SLC25A21: variants seen among roughly 807,000 people sequenced by gnomAD.
The protein encoded by SLC25A21 is mitochondrial 2-oxodicarboxylate carrier.
In SLC25A21, 47 loss-of-function variants were observed where a neutral mutation model predicts 43.8. That is an observed-to-expected ratio of 1.07 (90% CI 0.85 to 1.37). SLC25A21 has a LOEUF of 1.37. Among genes scored for constraint, SLC25A21 ranks in the 40% most tolerant of loss-of-function variants. The pLI is 0.00. For synonymous variants in SLC25A21, 131 were observed against 121.3 expected, an observed-to-expected ratio of 1.08 and a Z score of -0.52; for missense variants, 352 against 350.2, an observed-to-expected ratio of 1.00 and a Z score of -0.04.
intron 1 of SLC25A21, among the ~76,000 whole-genome samples, chr14:36,885,516 TAGAG>T (rs1215771737): frequency 6.6e-6 from 1 of 152,196 alleles, no homozygotes; most frequent in Non-Finnish European, 1.5e-5. Context: ...GGAATTTTGA[TAGAG>T]AGTACATTGA....
chr14:36,890,843 A>G lies in SLC25A21; in HGVS notation c.71-15839T>C, dbSNP rs964309631. Reference sequence around the variant, plus strand: ...TTAACAACTGTTTAAGTAATATCCTATAATGACCACAATATGTACACTTTA... The same window carrying G: ...TTAACAACTGTTTAAGTAATATCCTGTAATGACCACAATATGTACACTTTA... On this transcript the variant is annotated intron_variant, in intron 1 of 9. Transcript: ENST00000331299. Among the ~76,000 whole-genome samples, 20 of 152,304 alleles carry G rather than the reference A, an allele frequency of 1.3e-4. No individual in the cohort carries two copies. The East Asian group carries it at 2.5e-3, about 19-fold the overall frequency.
intron 2 of SLC25A21, among the ~76,000 whole-genome samples, chr14:36,829,533 T>C (rs1888957801): frequency 6.6e-6 from 1 of 152,154 alleles, no homozygotes; most frequent in Non-Finnish European, 1.5e-5. Flanking sequence ...AGCCCCAGGA[T>C]CCTGAGTTAT....
intron 3 of SLC25A21, among the ~76,000 whole-genome samples, chr14:36,752,360 T>C (rs1156557326): frequency 2.0e-5 from 3 of 152,214 alleles, no homozygotes; most frequent in Non-Finnish European, 4.4e-5. Context: ...AAATCAAACA[T>C]AGATTTACCA....
intron 2 of SLC25A21, among the ~76,000 whole-genome samples, chr14:36,814,655 A>C (rs1299534709): frequency 6.6e-6 from 1 of 152,234 alleles, no homozygotes; most frequent in Non-Finnish European, 1.5e-5. Flanking sequence ...CAACTAATAA[A>C]AAGTCAGCAA....
chr14:37,147,030 T>C (rs1963677924), intron 1 of SLC25A21, among the ~76,000 whole-genome samples: 1 of 152,126 alleles, frequency 6.6e-6, no homozygotes, highest in Non-Finnish European at 1.5e-5. Context: ...GTCGGACTGT[T>C]CACCAACCAT....
At chr14:36,737,805 AAAAG>A (rs1885106333) in intron 3 of SLC25A21, among the ~76,000 whole-genome samples, 1 of 152,204 alleles carries the variant, frequency 6.6e-6, no homozygotes, top group Non-Finnish European at 1.5e-5. Context: ...CAGTGATAAA[AAAAG>A]AAAGAAGCCA....
At chr14:36,848,169 T>C (rs1015954929) in intron 2 of SLC25A21, among the ~76,000 whole-genome samples, 3 of 152,204 alleles carry the variant, frequency 2.0e-5, no homozygotes, top group Non-Finnish European at 4.4e-5. Context: ...CTAGATGTTC[T>C]CTTTTTAGGT....
chr14:36,815,623 A>G (rs556702129), intron 2 of SLC25A21, among the ~76,000 whole-genome samples: 2 of 152,292 alleles, frequency 1.3e-5, no homozygotes, highest in South Asian at 4.1e-4. Context: ...TTCTTTTTGC[A>G]TATGATCATG....
At chr14:37,162,877 A>C (rs920453509) in intron 1 of SLC25A21, among the ~76,000 whole-genome samples, 1 of 152,262 alleles carries the variant, frequency 6.6e-6, no homozygotes. Context: ...AATAGCAAAG[A>C]CTTGGAACCA....
At chr14:36,701,810 GT>G (rs1883290595) in intron 7 of SLC25A21, among the ~76,000 whole-genome samples, 1 of 152,222 alleles carries the variant, frequency 6.6e-6, no homozygotes, top group South Asian at 2.1e-4. Context: ...TATTTCTGTT[GT>G]AGTGTGTTCT....
chr14:36,825,403 T>C (rs900685909), intron 2 of SLC25A21, among the ~76,000 whole-genome samples: 7 of 152,310 alleles, frequency 4.6e-5, no homozygotes, highest in Non-Finnish European at 1.0e-4. Context: ...TAATTAAAAA[T>C]CACTTAGAAT....
chr14:36,803,369 A>G (rs1339433947), intron 3 of SLC25A21, among the ~76,000 whole-genome samples: 1 of 152,118 alleles, frequency 6.6e-6, no homozygotes, highest in African/African-American at 2.4e-5. Context: ...TTTAATTTTG[A>G]TTCCTTTACA....
At chr14:36,970,002 G>C (rs1959713808) in intron 1 of SLC25A21, among the ~76,000 whole-genome samples, 1 of 152,070 alleles carries the variant, frequency 6.6e-6, no homozygotes, top group Admixed American at 6.6e-5. Flanking sequence ...CAAAGACCCA[G>C]ATAAATTCCT....
intron 1 of SLC25A21, among the ~76,000 whole-genome samples, chr14:37,161,674 A>G (rs1402035528): frequency 1.3e-5 from 2 of 152,120 alleles, no homozygotes; most frequent in African/African-American, 4.8e-5. Context: ...AGATAGGGAG[A>G]GAACGGCCAG....
intron 2 of SLC25A21, among the ~76,000 whole-genome samples, chr14:36,837,085 A>G (rs1461994524): frequency 2.6e-5 from 4 of 152,100 alleles, no homozygotes; most frequent in Non-Finnish European, 5.9e-5. Context: ...TCCTTAGTAG[A>G]CAGGAAGGCA....
intron 3 of SLC25A21, among the ~76,000 whole-genome samples, chr14:36,783,506 G>C (rs1170398293): frequency 6.6e-6 from 1 of 152,068 alleles, no homozygotes; most frequent in East Asian, 1.9e-4. Flanking sequence ...CTGGTGGGGG[G>C]CAAGAAAGAG....
chr14:37,132,590 C>T (rs2138907714), intron 1 of SLC25A21, among the ~76,000 whole-genome samples: 1 of 152,232 alleles, frequency 6.6e-6, no homozygotes, highest in Non-Finnish European at 1.5e-5. Context: ...GCTTCCACGG[C>T]ACTCTTTTCT....
rs142668049 is a variant in SLC25A21, at chr14:37,025,617, G to A, written c.70+146664C>T. Among the ~76,000 whole-genome samples the A allele has an allele frequency of 2.0e-4, 31 of 152,222 alleles. No homozygotes were observed. The East Asian group carries it at 4.8e-3, about 24-fold the overall frequency. On this transcript the variant is annotated intron_variant, in intron 1 of 9. Coordinates refer to ENST00000331299, the MANE Select transcript of SLC25A21 (RefSeq NM_030631.4). ...TATAAACAAACATATATACTACAAAGCTGTGCCAGCAAAAGACTTTAGTGC... is the reference window on the plus strand; with the variant it reads ...TATAAACAAACATATATACTACAAAACTGTGCCAGCAAAAGACTTTAGTGC...
At chr14:37,035,841 G>A (rs555343624) in intron 1 of SLC25A21, among the ~76,000 whole-genome samples, 57 of 152,248 alleles carry the variant, frequency 3.7e-4, no homozygotes, top group Non-Finnish European at 6.5e-4. Context: ...CATCCCTTGC[G>A]CTAACTTTGC....
Sources: allele counts gnomAD v4.1 joint callset (sites outside exome capture counted in the v4.1 genomes callset), GRCh38; gene constraint gnomAD v4.1.1; transcripts MANE v1.5; gene names NCBI Gene and HGNC (gene_info 2026-07-23, HGNC 2026-07-21).